The following PCDH15 variants were observed in gnomAD, a reference collection of about 807,000 sequenced individuals.
PCDH15 encodes protocadherin-15.
A neutral mutation model predicts 178.5 loss-of-function variants in PCDH15; 129 were observed. The ratio of observed to expected loss-of-function variants is 0.72; its 90% CI spans 0.63 to 0.84. The LOEUF (loss-of-function observed/expected upper bound fraction) is 0.84. PCDH15 is among the 40% of genes least tolerant of loss of function. The probability of loss-of-function intolerance (pLI) is 0.00; values close to 1 mark genes in which losing one functional copy is unlikely to be tolerated. For synonymous variants in PCDH15, 800 were observed against 732.0 expected, an observed-to-expected ratio of 1.09 and a Z score of -1.50; for missense variants, 2,230 against 2,099.9, an observed-to-expected ratio of 1.06 and a Z score of -1.21.
intron 1 of PCDH15, among the ~76,000 whole-genome samples, chr10:55,239,014 T>C (rs1258611432): frequency 6.6e-6 from 1 of 152,170 alleles, no homozygotes; most frequent in African/African-American, 2.4e-5. Flanking sequence ...CTACCCTTCC[T>C]AGCCTCTGGT....
At chr10:54,911,048 T>C (rs1191877181) in intron 2 of PCDH15, among the ~76,000 whole-genome samples, 1 of 152,204 alleles carries the variant, frequency 6.6e-6, no homozygotes, top group Non-Finnish European at 1.5e-5. Context: ...GGAATGAAAA[T>C]AGTTTCATAA....
chr10:53,825,201 G>T, intron 32 of PCDH15: 1 of 1,499,548 alleles, frequency 6.7e-7, no homozygotes, highest in Non-Finnish European at 8.9e-7. Flanking sequence ...GTTTTTACTA[G>T]AGTTAATTTA....
At chr10:55,174,843 G>A (rs768268941) in intron 1 of PCDH15, among the ~76,000 whole-genome samples, 1 of 152,212 alleles carries the variant, frequency 6.6e-6, no homozygotes, top group Non-Finnish European at 1.5e-5. Context: ...CCCTATTAAG[G>A]TTTAGGTCCC....
At chr10:54,622,610 T>TATATATTATATAATA (rs1555105318) in intron 2 of PCDH15, among the ~76,000 whole-genome samples, 3 of 93,656 alleles carry the variant, frequency 3.2e-5, no homozygotes, top group African/African-American at 1.5e-4. Context: ...ATATATATAA[T>TATATATTATATAATA]TATATATAAT....
chr10:55,544,139 C>T (rs7099266), intron 2 of PCDH15, among the ~76,000 whole-genome samples: 15,650 of 51,822 alleles, frequency 0.3, 1,716 homozygotes, highest in East Asian at 0.48. Flanking sequence ...CTTATACATA[C>T]ATATATATAT....
At chr10:54,511,357 G>T (rs1476476771) in intron 3 of PCDH15, among the ~76,000 whole-genome samples, 1 of 151,992 alleles carries the variant, frequency 6.6e-6, no homozygotes. Context: ...ATATCAGTTT[G>T]CCCTCACTCT....
At chr10:53,896,592 A>G (rs1408223643) in intron 26 of PCDH15, among the ~76,000 whole-genome samples, 1 of 152,176 alleles carries the variant, frequency 6.6e-6, no homozygotes, top group African/African-American at 2.4e-5. Context: ...GCCATGGACA[A>G]CTACCAGTCG....
intron 1 of PCDH15, among the ~76,000 whole-genome samples, chr10:55,207,071 C>G (rs1352836753): frequency 1.3e-5 from 2 of 151,960 alleles, no homozygotes; most frequent in African/African-American, 4.8e-5. Context: ...ACCCAAGAAT[C>G]AAGTAATAAT....
At chr10:55,201,267 C>T (rs1407807059) in intron 1 of PCDH15, among the ~76,000 whole-genome samples, 3 of 152,012 alleles carry the variant, frequency 2.0e-5, no homozygotes, top group South Asian at 2.1e-4. Flanking sequence ...ACTGGGGTCA[C>T]GCAGAGCCTG....
chr10:54,963,971 G>C (rs1222210199), intron 2 of PCDH15, among the ~76,000 whole-genome samples: 1 of 152,114 alleles, frequency 6.6e-6, no homozygotes, highest in Non-Finnish European at 1.5e-5. Context: ...CTAAAACTAG[G>C]GAAGGAATGT....
chr10:55,117,457 A>T, intron 2 of PCDH15, among the ~76,000 whole-genome samples: 1 of 152,214 alleles, frequency 6.6e-6, no homozygotes, highest in East Asian at 1.9e-4. Context: ...TCTTGCAAAC[A>T]TAGACAAGAT....
chr10:54,275,076 A>G (rs1302805470), intron 8 of PCDH15, among the ~76,000 whole-genome samples: 2 of 152,028 alleles, frequency 1.3e-5, no homozygotes, highest in Non-Finnish European at 2.9e-5. Flanking sequence ...AGTTGTCTGC[A>G]TAAAGATTAT....
chr10:55,051,212 T>C (rs1841152210), intron 2 of PCDH15, among the ~76,000 whole-genome samples: 1 of 152,094 alleles, frequency 6.6e-6, no homozygotes, highest in African/African-American at 2.4e-5. Flanking sequence ...AACAGAACTA[T>C]TTAAGAAATA....
chr10:55,140,322 T>G (rs1245858187), intron 2 of PCDH15, among the ~76,000 whole-genome samples: 2 of 151,952 alleles, frequency 1.3e-5, no homozygotes, highest in African/African-American at 4.8e-5. Flanking sequence ...GATGAATGCT[T>G]TCAATTTTTC....
intron 21 of PCDH15, among the ~76,000 whole-genome samples, chr10:53,981,197 TAGAATA>T (rs1275276953): frequency 6.6e-6 from 1 of 152,146 alleles, no homozygotes; most frequent in East Asian, 1.9e-4. Context: ...ACCAAGAAAA[TAGAATA>T]ATAAGATTTC....
intron 5 of PCDH15, among the ~76,000 whole-genome samples, chr10:54,361,039 A>C (rs1480753656): frequency 6.6e-6 from 1 of 152,140 alleles, no homozygotes; most frequent in Non-Finnish European, 1.5e-5. Context: ...AATTGACATG[A>C]CATACAGTTA....
At chr10:54,533,648 T>A (rs73258169) in intron 2 of PCDH15, among the ~76,000 whole-genome samples, 2,473 of 152,288 alleles carry the variant, frequency 0.016, 69 homozygotes, top group African/African-American at 0.055. Flanking sequence ...TACCTTTTTT[T>A]TGTCATCTTA....
At chr10:54,584,246 T>C (rs1317357858) in intron 2 of PCDH15, among the ~76,000 whole-genome samples, 1 of 151,896 alleles carries the variant, frequency 6.6e-6, no homozygotes, top group Non-Finnish European at 1.5e-5. Context: ...AAAATAAAAT[T>C]AGTCATGTGT....
At chr10:54,025,824 G>A (rs542734205) in intron 18 of PCDH15, among the ~76,000 whole-genome samples, 2 of 151,848 alleles carry the variant, frequency 1.3e-5, no homozygotes, top group Non-Finnish European at 2.9e-5. Flanking sequence ...AGCCAGCAAT[G>A]GTGGTCAAGC....
Sources: gnomAD v4.1 joint callset for allele counts (sites outside exome capture counted in the v4.1 genomes callset) on GRCh38, gnomAD v4.1.1 for gene constraint, MANE v1.5 for transcripts, NCBI Gene and HGNC (gene_info 2026-07-23, HGNC 2026-07-21) for gene names.